PSTPIP2: variants seen among roughly 807,000 people sequenced by gnomAD.
PSTPIP2 encodes the protein proline-serine-threonine phosphatase interacting protein 2.
PSTPIP2 carries 33 observed loss-of-function variants against 63.3 expected under a neutral mutation model. The ratio of observed to expected loss-of-function variants is 0.52; its 90% CI spans 0.40 to 0.70. PSTPIP2 has a LOEUF of 0.70. Among genes scored for constraint, PSTPIP2 ranks in the 30% least tolerant of loss-of-function variants. The pLI is 0.00. For missense variants in PSTPIP2, 312 were observed against 400.7 expected (o/e 0.78, Z 1.89); for synonymous variants, 125 against 132.7 (o/e 0.94, Z 0.40).
At chr18:46,024,898 G>A (rs1907522968) in intron 2 of PSTPIP2, among the ~76,000 whole-genome samples, 2 of 152,182 alleles carry the variant, frequency 1.3e-5, no homozygotes, top group African/African-American at 4.8e-5. Context: ...TTCTCCAGCT[G>A]GAAGTCCCTA....
intron 13 of PSTPIP2, among the ~76,000 whole-genome samples, chr18:45,990,451 G>C (rs2051515850): frequency 7.2e-6 from 1 of 139,328 alleles, no homozygotes; most frequent in African/African-American, 3.1e-5. Flanking sequence ...TTTGTTTGTT[G>C]ACACAGTTTG....
intron 2 of PSTPIP2, among the ~76,000 whole-genome samples, chr18:46,035,147 C>T (rs1484455095): frequency 6.6e-6 from 1 of 152,010 alleles, no homozygotes; most frequent in Non-Finnish European, 1.5e-5. Flanking sequence ...TAAGGTCGGG[C>T]ATGGTGGCTC....
At chr18:46,051,975 A>C (rs1430855217) in intron 1 of PSTPIP2, among the ~76,000 whole-genome samples, 1 of 152,194 alleles carries the variant, frequency 6.6e-6, no homozygotes, top group African/African-American at 2.4e-5. Flanking sequence ...TCTCCTCCTG[A>C]TCCATGGCAT....
intron 4 of PSTPIP2, among the ~76,000 whole-genome samples, chr18:46,014,818 A>T (rs769664653): frequency 6.6e-6 from 1 of 152,240 alleles, no homozygotes; most frequent in South Asian, 2.1e-4. Context: ...GAAACACCCA[A>T]GAAGAAATAC....
intron 2 of PSTPIP2, chr18:46,029,506 T>A: frequency 1.2e-6 from 1 of 855,640 alleles, no homozygotes; most frequent in Non-Finnish European, 2.1e-6. Context: ...TTGCCACATC[T>A]AGGAATGGAC....
chr18:46,000,993 A>G (rs2051659381), intron 6 of PSTPIP2, among the ~76,000 whole-genome samples: 1 of 152,224 alleles, frequency 6.6e-6, no homozygotes, highest in African/African-American at 2.4e-5. Context: ...ACACTACTCC[A>G]CTATAAAAAT....
rs902400915 is a variant in PSTPIP2 at position 45,988,717 on chromosome 18, T to C, written c.998A>G (p.Tyr333Cys). 6.4e-7 allele frequency: 1 copy of C among 1,557,552 alleles called. No individual in the cohort carries two copies. The highest frequency in any genetic ancestry group is 8.9e-7 in the Non-Finnish European group (1 of 1,128,922). Residue 333 changes from tyrosine (Y) to cysteine (C), a missense_variant, in exon 14 of 15, where the codon TAT becomes TGT. Physicochemically the swap from Tyr to Cys is radical, Grantham distance 194. Transcript: ENST00000409746. Reference protein sequence around the residue: ...YSLVDDYSLLYQ With the variant: ...YSLVDDYSLLCQ The stretch of plus-strand genomic sequence containing the variant: ...AGGTTCTTACCATTGATTTTACTGA[T>C]AGAGCAAACTGTAGTCATCAACCAA...
At chr18:46,023,283 G>A (rs148216693) in intron 3 of PSTPIP2, among the ~76,000 whole-genome samples, 18 of 152,098 alleles carry the variant, frequency 1.2e-4, no homozygotes, top group Non-Finnish European at 1.8e-4. Context: ...TTTTTTCGCC[G>A]GGCATGGTGG....
rs367679880 is a variant in PSTPIP2 at position 46,040,058 on chromosome 18, G to A, written c.34-11C>T. 43 of 1,581,880 alleles carry A rather than the reference G, an allele frequency of 2.7e-5. No homozygotes were observed. In the African/African-American group the frequency reaches 5.1e-4, roughly 19 times the overall value. On this transcript the variant is annotated splice_polypyrimidine_tract_variant and intron_variant, in intron 1 of 14. Coordinates refer to ENST00000409746, the MANE Select transcript of PSTPIP2 (RefSeq NM_024430.4). ...GAGGATGTCTGCACTCTGGGGGAAA[G>A]ACAACATGGCATCAGACCAGGAACA...
intron 2 of PSTPIP2, among the ~76,000 whole-genome samples, chr18:46,031,214 C>T (rs1907777818): frequency 3.3e-5 from 5 of 151,992 alleles, no homozygotes; most frequent in Admixed American, 3.3e-4. Flanking sequence ...TTCTTTGTTG[C>T]TTTTGCCTTG....
chr18:45,998,709 T>C (rs2051631118), intron 8 of PSTPIP2, 85 bp downstream of exon 8: 5 of 1,406,648 alleles, frequency 3.6e-6, no homozygotes, highest in Non-Finnish European at 4.9e-6. Flanking sequence ...TTAAGGTATA[T>C]AAAACTCCCT....
In PSTPIP2 at chr18:45,990,765, A is replaced by G. The variant is rs1166825609; in HGVS notation, c.921-9T>C. 6.3e-7 allele frequency: 1 copy of G among 1,591,130 alleles called. No individual in the cohort carries two copies. The highest frequency in any genetic ancestry group is 8.6e-7 in the Non-Finnish European group (1 of 1,162,060). The stretch of plus-strand genomic sequence containing the variant: ...TTGGGAGGGGTCCTCTCCTGTAAGA[A>G]ATGAAAACCAAAGTATTTTAGATAA... On this transcript the variant is annotated splice_polypyrimidine_tract_variant and intron_variant, in intron 12 of 14. Coordinates refer to ENST00000409746, the MANE Select transcript of PSTPIP2 (RefSeq NM_024430.4).
chr18:46,067,227 G>A (rs1235762120), intron 1 of PSTPIP2, among the ~76,000 whole-genome samples: 1 of 152,100 alleles, frequency 6.6e-6, no homozygotes, highest in Non-Finnish European at 1.5e-5. Context: ...CCTAGGCTGG[G>A]CGCAGTGGCT....
intron 1 of PSTPIP2, among the ~76,000 whole-genome samples, chr18:46,043,600 G>C (rs59435352): frequency 6.6e-6 from 1 of 152,154 alleles, no homozygotes; most frequent in African/African-American, 2.4e-5. Context: ...CAGGAACAAG[G>C]CAACGATGTC....
At chr18:46,030,117 A>G (rs1907736607) in intron 2 of PSTPIP2, among the ~76,000 whole-genome samples, 1 of 152,068 alleles carries the variant, frequency 6.6e-6, no homozygotes, top group South Asian at 2.1e-4. Context: ...TCCGACTCAA[A>G]AAAAGAAAAG....
intron 2 of PSTPIP2, among the ~76,000 whole-genome samples, chr18:46,027,575 T>C (rs1429969458): frequency 6.6e-6 from 1 of 151,740 alleles, no homozygotes; most frequent in Non-Finnish European, 1.5e-5. Flanking sequence ...CTGTAGTCCC[T>C]GCTACTCAGG....
chr18:45,995,425 A>G (rs1322353267), intron 9 of PSTPIP2, among the ~76,000 whole-genome samples: 3 of 152,120 alleles, frequency 2.0e-5, no homozygotes, highest in African/African-American at 2.4e-5. Flanking sequence ...TTTACACTAT[A>G]TATGTATCTG....
chr18:46,039,004 G>A (rs1054388090), intron 2 of PSTPIP2, among the ~76,000 whole-genome samples: 4 of 152,168 alleles, frequency 2.6e-5, no homozygotes, highest in South Asian at 2.1e-4. Context: ...AAGTTTGATC[G>A]TTACCTAATT....
In PSTPIP2 at chr18:46,039,236, GT is replaced by G. The variant is rs1447866111; in HGVS notation, c.134+710del. On this transcript the variant is annotated intron_variant, in intron 2 of 14. Coordinates refer to ENST00000409746, the MANE Select transcript of PSTPIP2 (RefSeq NM_024430.4). ...GATCAATAAGTTTCCACAAAACTAA[GT>G]TTTGTTTTTTTAAAAATCTTATCCA... is the stretch of plus-strand genomic sequence containing the variant. Among the ~76,000 whole-genome samples the G allele has an allele frequency of 3.3e-5, 5 of 152,110 alleles. No homozygotes were observed. The East Asian group carries it at 7.7e-4, about 23-fold the overall frequency.
Sources: allele counts gnomAD v4.1 joint callset (sites outside exome capture counted in the v4.1 genomes callset), GRCh38; gene constraint gnomAD v4.1.1; transcripts MANE v1.5; gene names NCBI Gene and HGNC (gene_info 2026-07-23, HGNC 2026-07-21).